Variants in COL2A1 observed in about 807,000 individuals in gnomAD.
COL2A1 encodes collagen type II alpha 1 chain, also known as collagen alpha-1(II) chain.
COL2A1 carries 28 observed loss-of-function variants against 204.5 expected under a neutral mutation model. The ratio of observed to expected loss-of-function variants is 0.14; its 90% CI spans 0.10 to 0.19. COL2A1 has a LOEUF of 0.19. COL2A1 is among the 10% of genes least tolerant of loss of function. The probability of loss-of-function intolerance (pLI) is 1.00; values close to 1 mark genes in which losing one functional copy is unlikely to be tolerated. For missense variants in COL2A1, 1,388 were observed against 2,027.5 expected, an observed-to-expected ratio of 0.68 and a Z score of 6.06; for synonymous variants, 708 against 718.7, an observed-to-expected ratio of 0.99 and a Z score of 0.24.
At position 47,984,100 on chromosome 12, in the gene COL2A1, G is replaced by A. The variant is rs1273339342; in HGVS notation, c.1928C>T (p.Pro643Leu). 4 of 1,613,282 alleles carry A rather than the reference G, an allele frequency of 2.5e-6. No homozygotes were observed. The highest frequency in any genetic ancestry group is 3.4e-6 in the Non-Finnish European group (4 of 1,179,744). The change falls in exon 29 of 54, where the codon CCC becomes CTC. Residue 643 changes from proline (P) to leucine (L), a missense_variant. Physicochemically the swap from Pro to Leu is moderately conservative, Grantham distance 98. Transcript: ENST00000380518. ...GKDGETGAAG[P>L]PGPAGPAGER... The stretch of plus-strand genomic sequence containing the variant: ...GCAGGTACTTACAGCAGGGCCAGGG[G>A]GTCCTGCAGCACCTGTCTCACCATC...
intron 34 of COL2A1, 148 bp from the exon 35 acceptor site, chr12:47,982,308 G>A (rs1939137671): frequency 1.2e-6 from 1 of 826,150 alleles, no homozygotes; most frequent in Non-Finnish European, 2.1e-6. Context: ...AGGAGCAGCA[G>A]GGGTGAGATG....
chr12:47,981,196 C>A, intron 37 of COL2A1, 147 bp downstream of exon 37: 1 of 954,772 alleles, frequency 1.0e-6, no homozygotes, highest in South Asian at 1.4e-5. Flanking sequence ...CATCTCTCCT[C>A]CCACCCTAGA....
At chr12:48,003,752 A>G (rs1940342913) in intron 1 of COL2A1, among the ~76,000 whole-genome samples, 1 of 152,174 alleles carries the variant, frequency 6.6e-6, no homozygotes, top group Non-Finnish European at 1.5e-5. Flanking sequence ...CCAGCCACCA[A>G]GCCTTGGACA....
intron 16 of COL2A1, 104 bp from the exon 17 acceptor site, chr12:47,989,909 T>C: frequency 8.8e-7 from 1 of 1,140,370 alleles, no homozygotes. Context: ...GTGCCTGGGG[T>C]GTCCCAGGGC....
Position 47,976,432 on chromosome 12 carries a change from C to T in COL2A1, c.3489+82G>A. On this transcript the variant is annotated intron_variant, in intron 49 of 53. Transcript: ENST00000380518. This position sits in a 1 kb window ranked among gnomAD's most constrained non-coding sequence, Gnocchi z 4.3. ...CCTGAGCCCACAGCTTCCCCAGAAG[C>T]AGCAGCATTTCCCTCCCCATGGGAA... The T allele has an allele frequency of 6.8e-7, 1 of 1,480,494 alleles. No homozygotes were observed. The highest frequency in any genetic ancestry group is 9.4e-7 in the Non-Finnish European group (1 of 1,059,168). 91.7% of individuals were successfully genotyped at this position (1,480,494 alleles called of 1,614,324 possible). A position where few individuals can be genotyped will look rare whatever the true frequency, so the allele number is the denominator to read the frequency against.
At position 47,980,236 on chromosome 12, in the gene COL2A1, C is replaced by T. The variant is rs1257633174; in HGVS notation, c.2626-174G>A. ...GCTCTGTCCCCTCTGCCACAGGAGA[C>T]TTGTGTTCTAGGAGAAGCCTGTCAG... On this transcript the variant is annotated intron_variant, in intron 39 of 53. Coordinates refer to ENST00000380518, the MANE Select transcript of COL2A1 (RefSeq NM_001844.5). This position sits in a 1 kb window ranked among gnomAD's most constrained non-coding sequence, Gnocchi z 4.5. Among the ~76,000 whole-genome samples, 1 of 152,218 alleles carries T rather than the reference C, an allele frequency of 6.6e-6. No homozygotes were observed. Among genetic ancestry groups the T allele is most frequent in the East Asian group, 1.9e-4 (1 of 5,200 alleles).
At chr12:47,983,242 G>A (rs924513017) in intron 31 of COL2A1, 105 bp from the exon 32 acceptor site, 10 of 1,496,788 alleles carry the variant, frequency 6.7e-6, no homozygotes, top group South Asian at 1.2e-5. Flanking sequence ...GGGGGATTGT[G>A]TCATCTGTGG....
At chr12:48,004,170 C>G in intron 1 of COL2A1, 67 bp downstream of exon 1, 1 of 1,232,342 alleles carries the variant, frequency 8.1e-7, no homozygotes, top group Non-Finnish European at 1.2e-6. Context: ...CTGGAGCGGG[C>G]CGGGGAGAAG....
rs768219590 is a variant in COL2A1, at chr12:47,980,046, G to A, written c.2642C>T (p.Thr881Ile). 1 of 1,555,156 alleles carries A rather than the reference G, an allele frequency of 6.4e-7. No homozygotes were observed. The highest frequency in any genetic ancestry group is 8.7e-7 in the Non-Finnish European group (1 of 1,149,300). ...GGCACCTCGGGCTCCTTTAGGACCAGTCACTCCAGTAGGACCCTGGAAAGG... is the reference window on the plus strand; with the variant it reads ...GGCACCTCGGGCTCCTTTAGGACCAATCACTCCAGTAGGACCCTGGAAAGG... ...APGPQGPTGV[T>I]GPKGARGAQG... is the part of the protein sequence containing the mutation. The change falls in exon 40 of 54, where the codon ACT becomes ATT. Residue 881 changes from threonine (T) to isoleucine (I), a missense_variant. Transcript: ENST00000380518. The surrounding 1 kb of genome is among the most constrained non-coding windows in gnomAD (Gnocchi z 4.5).
At position 47,984,533 on chromosome 12, in the gene COL2A1, G is replaced by A; in HGVS notation, c.1887+13C>T. 6.2e-7 allele frequency: 1 copy of A among 1,613,944 alleles called. No homozygotes were observed. Among genetic ancestry groups the A allele is most frequent in the Non-Finnish European group, 8.5e-7 (1 of 1,179,886 alleles). ...CCAACACCAAGTCATGGGCAGCGGG[G>A]AAGGATACTTACCCTCAGACCAGGA... is the stretch of plus-strand genomic sequence containing the variant. On this transcript the variant is annotated intron_variant, in intron 28 of 53. Coordinates refer to ENST00000380518, the MANE Select transcript of COL2A1 (RefSeq NM_001844.5).
Position 47,980,499 on chromosome 12 carries a change from G to T in COL2A1, c.2625+55C>A. 1 of 1,477,178 alleles carries T rather than the reference G, an allele frequency of 6.8e-7. No individual in the cohort carries two copies. Among genetic ancestry groups the T allele is most frequent in the Non-Finnish European group, 9.3e-7 (1 of 1,076,992 alleles). 91.5% of individuals were successfully genotyped at this position (1,477,178 alleles called of 1,614,324 possible). On this transcript the variant is annotated intron_variant, in intron 39 of 53. Transcript: ENST00000380518. The surrounding 1 kb of genome is among the most constrained non-coding windows in gnomAD (Gnocchi z 4.5). ...GCAGCCTGCTGGGGCCTTCCCATCT[G>T]CACGCCAGGAGCCCTTCCTTGAGGG...
chr12:48,000,209 G>A, intron 1 of COL2A1, 84 bp from the exon 2 acceptor site: 1 of 958,658 alleles, frequency 1.0e-6, no homozygotes, highest in Non-Finnish European at 1.6e-6. Context: ...AGAGGTTGCA[G>A]TCAACTTGAC....
In COL2A1 at chr12:47,973,008, T is replaced by A; in HGVS notation, c.*399A>T. ...TTTCATTTTTAATATCAATTGATGT[T>A]TTAAAAAATACAGAGGTGTTTGACA... is the stretch of plus-strand genomic sequence containing the variant. On this transcript the variant is annotated 3_prime_UTR_variant, in exon 54 of 54. Transcript: ENST00000380518. 2.0e-6 allele frequency: 1 copy of A among 500,034 alleles called. No homozygotes were observed. The highest frequency in any genetic ancestry group is 1.9e-5 in the African/African-American group (1 of 52,982). The allele number at this position is 500,034 out of a possible 1,614,324, so 31.0% of individuals were successfully genotyped here. A position where few individuals can be genotyped will look rare whatever the true frequency, so the allele number is the denominator to read the frequency against.
rs773689765 is a variant in COL2A1 at position 47,979,490 on chromosome 12, C to T, written c.2733+21G>A. The T allele has an allele frequency of 2.9e-5, 47 of 1,613,290 alleles. No homozygotes were observed. The South Asian group carries it at 5.2e-4, about 18-fold the overall frequency. Reference sequence around the variant, plus strand: ...CTATTCCATGCCTGCCTGTGCCTCTCATGCCAGGAGCATCACTTACATTGG... The same window carrying T: ...CTATTCCATGCCTGCCTGTGCCTCTTATGCCAGGAGCATCACTTACATTGG... On this transcript the variant is annotated intron_variant, in intron 41 of 53. Transcript: ENST00000380518.
rs1939917509 is a variant in COL2A1 at position 47,995,558 on chromosome 12, C to T, written c.708+152G>A. On this transcript the variant is annotated intron_variant, in intron 10 of 53. Transcript: ENST00000380518. The stretch of plus-strand genomic sequence containing the variant: ...CACATTGGGCTGTCTGTCAGAGTTC[C>T]TCCACAGCTAGGAAGTGACATCCGA... The T allele has an allele frequency of 2.2e-6, 2 of 906,322 alleles. 1 individual carries two copies. The highest frequency in any genetic ancestry group is 3.7e-6 in the Non-Finnish European group (2 of 541,012). 56.1% of individuals were successfully genotyped at this position (906,322 alleles called of 1,614,324 possible). A position where few individuals can be genotyped will look rare whatever the true frequency, so the allele number is the denominator to read the frequency against.
chr12:47,975,435 A>G lies in COL2A1; in HGVS notation c.3768T>C (p.Asp1256=). The change falls in exon 51 of 54, where the codon GAT becomes GAC. Residue 1256 remains aspartate, a synonymous_variant. Coordinates refer to ENST00000380518, the MANE Select transcript of COL2A1 (RefSeq NM_001844.5). The stretch of plus-strand genomic sequence containing the variant: ...GGTTGTTGAGGGACTTGAGTGTGGC[A>G]TCCACCTCGGCGTCATGCTGTCTCA... The part of the protein sequence containing the change: ...GGLRQHDAEV[D]ATLKSLNNQI... 1 of 1,614,138 alleles carries G rather than the reference A, an allele frequency of 6.2e-7. No individual in the cohort carries two copies. The highest frequency in any genetic ancestry group is 8.5e-7 in the Non-Finnish European group (1 of 1,180,016).
Position 47,984,557 on chromosome 12 carries a change from G to A in COL2A1, c.1876C>T (p.Pro626Ser), listed in dbSNP as rs1939280886. The change falls in exon 28 of 54, where the codon CCT (proline) becomes TCT (serine). Residue 626 changes from proline to serine, a missense_variant. Physicochemically the swap from Pro to Ser is moderately conservative, Grantham distance 74. This residue lies in a region of COL2A1 where 884 missense variants were observed against 1,415.8 expected (regional missense o/e 0.62). Transcript: ENST00000380518. ...GGAAGGATACTTACCCTCAGACCAG[G>A]AGCACCAGGCAGTCCCTTCTCACCA... Reference protein sequence around the residue: ...KAGEKGLPGAPGLRGLPGKDG... With the variant: ...KAGEKGLPGASGLRGLPGKDG... The A allele has an allele frequency of 1.9e-6, 3 of 1,614,026 alleles. No homozygotes were observed. In the African/African-American group the frequency reaches 4.0e-5, roughly 22 times the overall value.
At chr12:47,995,616 C>A (rs1939920297) in intron 10 of COL2A1, 94 bp downstream of exon 10, 2 of 1,275,066 alleles carry the variant, frequency 1.6e-6, no homozygotes, top group Admixed American at 3.4e-5. Flanking sequence ...TGGGAAAGAG[C>A]TGGGCAGAGC....
At chr12:47,998,238 A>G (rs777299310) in intron 3 of COL2A1, 37 bp from the exon 4 acceptor site, 1 of 1,613,936 alleles carries the variant, frequency 6.2e-7, no homozygotes. Context: ...AAGCCGAGTA[A>G]GCCCACTAAG....
Sources: allele counts gnomAD v4.1 joint callset (sites outside exome capture counted in the v4.1 genomes callset), GRCh38; gene constraint gnomAD v4.1.1; regional missense constraint gnomAD v4.1.1; non-coding constraint Gnocchi (gnomAD v3.1); transcripts MANE v1.5; gene names NCBI Gene and HGNC (gene_info 2026-07-23, HGNC 2026-07-21).